The following ABHD2 variants were observed in gnomAD, a reference collection of about 807,000 sequenced individuals.
ABHD2 encodes the protein monoacylglycerol lipase ABHD2.
ABHD2 carries 20 observed loss-of-function variants against 48.1 expected under a neutral mutation model. That is an observed-to-expected ratio of 0.42 (90% CI 0.29 to 0.60). ABHD2 has a LOEUF of 0.60. Ranked by LOEUF, ABHD2 falls within the 20% of genes least tolerant of loss-of-function variation. The pLI, the probability that ABHD2 is intolerant of heterozygous loss-of-function variation, is 0.24. For synonymous variants in ABHD2, 209 were observed against 214.2 expected (o/e 0.98, Z 0.21); for missense variants, 405 against 550.9 (o/e 0.74, Z 2.65).
At chr15:89,111,594 A>G (rs994273797) in intron 1 of ABHD2, among the ~76,000 whole-genome samples, 1 of 152,178 alleles carries the variant, frequency 6.6e-6, no homozygotes, top group Non-Finnish European at 1.5e-5. Context: ...CATTCCAGGG[A>G]TGCAAGAAGG....
intron 3 of ABHD2, among the ~76,000 whole-genome samples, chr15:89,139,525 C>T (rs146071600): frequency 5.3e-5 from 8 of 152,226 alleles, no homozygotes; most frequent in Non-Finnish European, 7.4e-5. Context: ...TCACAGCACT[C>T]GTATTTGTTG....
At chr15:89,194,305 C>T (rs2051357331) in intron 10 of ABHD2, among the ~76,000 whole-genome samples, 1 of 151,894 alleles carries the variant, frequency 6.6e-6, no homozygotes, top group Non-Finnish European at 1.5e-5. Flanking sequence ...TTGAGATCAG[C>T]CTGGCCAACA....
chr15:89,127,706 CATATATATATATACACATAT>C (rs1279785527), intron 3 of ABHD2, among the ~76,000 whole-genome samples: 8 of 129,890 alleles, frequency 6.2e-5, no homozygotes, highest in African/African-American at 2.1e-4. Flanking sequence ...TATATATATA[CATATATATATATACACATAT>C]ATATATATAT....
Position 89,196,308 on chromosome 15 carries a change from T to C in ABHD2, c.*885T>C, listed in dbSNP as rs2051402018. On this transcript the variant is annotated 3_prime_UTR_variant, in exon 11 of 11. Coordinates refer to ENST00000352732, the MANE Select transcript of ABHD2 (RefSeq NM_152924.5). ...GAGCTGCCGTCGTGTGACCACAGTG[T>C]GATGTCTCAGAAGGGCTCTGGGTGG... 6.6e-6 allele frequency: 1 copy of C among 152,244 alleles called. No individual in the cohort carries two copies. 9.4% of individuals were successfully genotyped at this position (152,244 alleles called of 1,614,324 possible). A position where few individuals can be genotyped will look rare whatever the true frequency, so the allele number is the denominator to read the frequency against.
intron 3 of ABHD2, among the ~76,000 whole-genome samples, chr15:89,147,638 C>G (rs1003961780): frequency 2.0e-5 from 3 of 150,768 alleles, no homozygotes; most frequent in African/African-American, 7.3e-5. Flanking sequence ...CAGGCGTGAG[C>G]CACTGCGCCC....
chr15:89,200,693 A>G lies in ABHD2; in HGVS notation c.*5270A>G, dbSNP rs1452276899. The G allele has an allele frequency of 4.4e-6, 1 of 227,078 alleles. No homozygotes were observed. Among genetic ancestry groups the G allele is most frequent in the African/African-American group, 2.3e-5 (1 of 43,324 alleles). 14.1% of individuals were successfully genotyped at this position (227,078 alleles called of 1,614,324 possible). A position where few individuals can be genotyped will look rare whatever the true frequency, so the allele number is the denominator to read the frequency against. On this transcript the variant is annotated 3_prime_UTR_variant, in exon 11 of 11. Coordinates refer to ENST00000352732, the MANE Select transcript of ABHD2 (RefSeq NM_152924.5). ...AATGGTCACCGCAGGCCATACTACC[A>G]ATGAAATGGTAGGTAAACAAATCTT... is the stretch of plus-strand genomic sequence containing the variant.
the ABHD2 span, among the ~76,000 whole-genome samples, chr15:89,043,928 G>A: frequency 6.8e-6 from 1 of 146,138 alleles, no homozygotes; most frequent in Admixed American, 6.9e-5. Context: ...TATACTTTAA[G>A]TTTTAGGGTA....
chr15:89,171,886 T>A (rs2050934622), intron 5 of ABHD2, among the ~76,000 whole-genome samples: 1 of 152,212 alleles, frequency 6.6e-6, no homozygotes, highest in Non-Finnish European at 1.5e-5. Context: ...ACGTTCTGAC[T>A]TAATGAAGCT....
At chr15:89,041,036 G>A in the ABHD2 span, among the ~76,000 whole-genome samples, 1 of 152,202 alleles carries the variant, frequency 6.6e-6, no homozygotes, top group Non-Finnish European at 1.5e-5. Flanking sequence ...GGCTTGAAAA[G>A]TGCCTACCCC....
At position 89,185,740 on chromosome 15, in the gene ABHD2, G is replaced by A. The variant is rs553775786; in HGVS notation, c.815+224G>A. On this transcript the variant is annotated intron_variant, in intron 7 of 10. Transcript: ENST00000352732. The surrounding 1 kb of genome is among the most constrained non-coding windows in gnomAD (Gnocchi z 5.9). ...CCCCAGCACTTTGGGAAGCTGAGGCGGGCAGATAGCTTGAGGCCAGGAATT... is the reference window on the plus strand; with the variant it reads ...CCCCAGCACTTTGGGAAGCTGAGGCAGGCAGATAGCTTGAGGCCAGGAATT... Among the ~76,000 whole-genome samples the A allele has an allele frequency of 2.6e-5, 4 of 152,300 alleles. No homozygotes were observed. Among genetic ancestry groups the A allele is most frequent in the African/African-American group, 7.2e-5 (3 of 41,570 alleles).
At chr15:89,072,631 A>G in the ABHD2 span, among the ~76,000 whole-genome samples, 2 of 151,916 alleles carry the variant, frequency 1.3e-5, no homozygotes. Flanking sequence ...TTTGGGGTTT[A>G]TTTAGCCACT....
In ABHD2 at chr15:89,114,461, G is replaced by A. The variant is rs2049924219; in HGVS notation, c.-7+637G>A. ...GGAGTGAGGAGGAGTGTCACCAGAA[G>A]TTAAGTTTTTTTTGTTTTGTTTTTT... is the stretch of plus-strand genomic sequence containing the variant. On this transcript the variant is annotated intron_variant, in intron 2 of 10. Coordinates refer to ENST00000352732, the MANE Select transcript of ABHD2 (RefSeq NM_152924.5). The surrounding 1 kb of genome is among the most constrained non-coding windows in gnomAD (Gnocchi z 4.2). Among the ~76,000 whole-genome samples, 1 of 151,990 alleles carries A rather than the reference G, an allele frequency of 6.6e-6. No individual in the cohort carries two copies. Among genetic ancestry groups the A allele is most frequent in the African/African-American group, 2.4e-5 (1 of 41,400 alleles).
the ABHD2 span, chr15:89,041,164 A>G: frequency 6.6e-6 from 1 of 152,184 alleles, no homozygotes; most frequent in African/African-American, 2.4e-5. Flanking sequence ...AGCCAGCATC[A>G]ACTTCCAGTG....
chr15:89,054,322 A>G, the ABHD2 span, among the ~76,000 whole-genome samples: 1 of 2,952 alleles, frequency 3.4e-4, no homozygotes. Flanking sequence ...ACTCTGTCTC[A>G]AAAAAAAAAA....
intron 5 of ABHD2, among the ~76,000 whole-genome samples, chr15:89,159,109 G>T (rs1463267521): frequency 6.6e-5 from 10 of 151,908 alleles, no homozygotes; most frequent in Admixed American, 5.9e-4. Flanking sequence ...GGGCACGGTG[G>T]CTCATGCCTG....
intron 1 of ABHD2, among the ~76,000 whole-genome samples, chr15:89,103,408 C>G (rs1052976125): frequency 6.6e-6 from 1 of 152,164 alleles, no homozygotes; most frequent in African/African-American, 2.4e-5. Context: ...AAAGTAACCT[C>G]CCTTCCCCCA....
At chr15:89,124,863 C>T (rs1391587751) in intron 3 of ABHD2, among the ~76,000 whole-genome samples, 5 of 152,046 alleles carry the variant, frequency 3.3e-5, no homozygotes, top group African/African-American at 9.7e-5. Context: ...CCAAGGCAGG[C>T]GGATCACCTG....
intron 5 of ABHD2, among the ~76,000 whole-genome samples, chr15:89,156,722 A>G (rs1052928639): frequency 9.4e-5 from 5 of 53,052 alleles, no homozygotes; most frequent in Non-Finnish European, 1.5e-4. Flanking sequence ...ACTCTGTCTG[A>G]AAAAAAAAAA....
intron 3 of ABHD2, among the ~76,000 whole-genome samples, chr15:89,124,069 A>G (rs1429054875): frequency 1.3e-5 from 2 of 152,222 alleles, no homozygotes; most frequent in South Asian, 2.1e-4. Context: ...TACGAACACT[A>G]TATTTGTCAT....
Sources: allele counts gnomAD v4.1 joint callset (sites outside exome capture counted in the v4.1 genomes callset), GRCh38; gene constraint gnomAD v4.1.1; non-coding constraint Gnocchi (gnomAD v3.1); transcripts MANE v1.5; gene names NCBI Gene and HGNC (gene_info 2026-07-23, HGNC 2026-07-21).